The following TCF12 variants were observed in gnomAD, a reference collection of about 807,000 sequenced individuals.
TCF12 encodes the protein DNA-binding protein HTF4.
TCF12 carries 45 observed loss-of-function variants against 86.0 expected under a neutral mutation model. The observed-to-expected ratio is 0.52, with a 90% CI of 0.41 to 0.67. TCF12 has a LOEUF of 0.67. TCF12 is among the 30% of genes least tolerant of loss of function. The pLI, the probability that TCF12 is intolerant of heterozygous loss-of-function variation, is 0.00. For synonymous variants in TCF12, 330 were observed against 299.6 expected (o/e 1.10, Z -1.05); for missense variants, 881 against 859.9 (o/e 1.02, Z -0.31).
chr15:57,150,312 G>T (rs2053649250), intron 5 of TCF12, among the ~76,000 whole-genome samples: 1 of 152,172 alleles, frequency 6.6e-6, no homozygotes. Context: ...ACCAGGGAAA[G>T]CTCACACAAA....
chr15:57,240,702 C>A (rs926374393), intron 12 of TCF12, among the ~76,000 whole-genome samples: 11 of 151,644 alleles, frequency 7.3e-5, no homozygotes, highest in Non-Finnish European at 1.5e-4. Flanking sequence ...GGCAACATAG[C>A]GGAACCCCAT....
intron 4 of TCF12, among the ~76,000 whole-genome samples, chr15:57,081,065 A>C (rs2070602647): frequency 6.6e-6 from 1 of 152,188 alleles, no homozygotes; most frequent in Non-Finnish European, 1.5e-5. Context: ...CCCCCAGTCC[A>C]AACAGTTTAC....
At chr15:57,271,532 C>T (rs1237616018) in intron 18 of TCF12, among the ~76,000 whole-genome samples, 1 of 152,210 alleles carries the variant, frequency 6.6e-6, no homozygotes, top group Admixed American at 6.5e-5. Flanking sequence ...ATCCCCCAAC[C>T]CCTTGCACTT....
chr15:57,007,240 G>C (rs2064436030), intron 3 of TCF12, among the ~76,000 whole-genome samples: 2 of 152,208 alleles, frequency 1.3e-5, no homozygotes, highest in South Asian at 4.1e-4. Context: ...ATGAAAATAA[G>C]GTTATTTCCT....
chr15:57,281,478 G>C (rs149871553), intron 19 of TCF12, among the ~76,000 whole-genome samples: 1 of 152,334 alleles, frequency 6.6e-6, no homozygotes, highest in Non-Finnish European at 1.5e-5. Flanking sequence ...CCACGGACCA[G>C]TACCAGTGGC....
chr15:57,148,233 G>A (rs963281335), intron 5 of TCF12, among the ~76,000 whole-genome samples: 2 of 151,896 alleles, frequency 1.3e-5, no homozygotes, highest in Non-Finnish European at 1.5e-5. Context: ...AAAGGCTAGA[G>A]TGGGGTTATT....
At chr15:57,268,347 C>T (rs2060965143) in intron 18 of TCF12, among the ~76,000 whole-genome samples, 1 of 152,164 alleles carries the variant, frequency 6.6e-6, no homozygotes. Context: ...CAGTGATTTT[C>T]TTTTGTCAAA....
chr15:57,139,070 A>C (rs1265270895), intron 5 of TCF12, among the ~76,000 whole-genome samples: 3 of 152,204 alleles, frequency 2.0e-5, no homozygotes, highest in African/African-American at 7.2e-5. Context: ...GATCATATTT[A>C]GACTGTCCCA....
intron 8 of TCF12, chr15:57,219,447 T>G: frequency 1.3e-6 from 2 of 1,544,948 alleles, no homozygotes; most frequent in South Asian, 2.4e-5. Flanking sequence ...ACTTACTCCC[T>G]TTGCCTGTGT....
chr15:56,971,128 G>A (rs1470117423), intron 3 of TCF12, among the ~76,000 whole-genome samples: 1 of 151,998 alleles, frequency 6.6e-6, no homozygotes, highest in African/African-American at 2.4e-5. Flanking sequence ...AAGAATCTTT[G>A]AAAATAGAGG....
chr15:57,064,810 AAAAG>A (rs1482236609), intron 4 of TCF12, among the ~76,000 whole-genome samples: 5 of 146,198 alleles, frequency 3.4e-5, no homozygotes, highest in Admixed American at 1.4e-4. Context: ...AAAAAAAAAA[AAAAG>A]AGAGAGAGAG....
At chr15:57,140,463 A>G (rs534961487) in intron 5 of TCF12, among the ~76,000 whole-genome samples, 14 of 152,298 alleles carry the variant, frequency 9.2e-5, no homozygotes, top group African/African-American at 3.4e-4. Flanking sequence ...TTATTCAACA[A>G]ATATTTATAG....
chr15:56,943,267 G>A (rs2060858088), intron 3 of TCF12, among the ~76,000 whole-genome samples: 1 of 152,120 alleles, frequency 6.6e-6, no homozygotes, highest in South Asian at 2.1e-4. Flanking sequence ...AGTAGGATCT[G>A]TGATTTTCTA....
chr15:56,932,210 G>A (rs1299800656), intron 3 of TCF12, among the ~76,000 whole-genome samples: 1 of 152,194 alleles, frequency 6.6e-6, no homozygotes, highest in African/African-American at 2.4e-5. Context: ...GATGATAAGA[G>A]TGCTTCATAA....
intron 5 of TCF12, among the ~76,000 whole-genome samples, chr15:57,154,508 G>A (rs887202929): frequency 6.6e-6 from 1 of 152,094 alleles, no homozygotes; most frequent in African/African-American, 2.4e-5. Flanking sequence ...TTTCCTCTAT[G>A]TTACAAAATC....
intron 3 of TCF12, among the ~76,000 whole-genome samples, chr15:57,030,407 C>G (rs1165159687): frequency 6.6e-6 from 1 of 152,142 alleles, no homozygotes; most frequent in African/African-American, 2.4e-5. Context: ...CCTGGCTAAC[C>G]TGGCTAACTT....
chr15:57,073,894 G>T (rs374456726), intron 4 of TCF12, among the ~76,000 whole-genome samples: 1 of 151,906 alleles, frequency 6.6e-6, no homozygotes, highest in Non-Finnish European at 1.5e-5. Context: ...GACTACAGGC[G>T]CCCACCACCA....
At position 57,034,774 on chromosome 15, in the gene TCF12, G is replaced by A. The variant is rs1214406147; in HGVS notation, c.149-28976G>A. Among the ~76,000 whole-genome samples the A allele has an allele frequency of 5.3e-5, 8 of 152,116 alleles. No individual in the cohort carries two copies. The East Asian group carries it at 1.5e-3, about 29-fold the overall frequency. ...TATAGTTAATAAGCAGTATAATAGT[G>A]ATTTAAACCCAGAACTAGGACACTG... On this transcript the variant is annotated intron_variant, in intron 3 of 20. Coordinates refer to ENST00000333725, the MANE Select transcript of TCF12 (RefSeq NM_207037.2).
intron 4 of TCF12, among the ~76,000 whole-genome samples, chr15:57,070,108 A>G (rs1452596268): frequency 2.0e-5 from 3 of 152,190 alleles, no homozygotes; most frequent in African/African-American, 7.2e-5. Flanking sequence ...TGGAAAGGGG[A>G]AAACCAGTTG....
Sources: allele counts gnomAD v4.1 joint callset (sites outside exome capture counted in the v4.1 genomes callset), GRCh38; gene constraint gnomAD v4.1.1; transcripts MANE v1.5; gene names NCBI Gene and HGNC (gene_info 2026-07-23, HGNC 2026-07-21).